The following GBE1 variants were observed in gnomAD, a reference collection of about 807,000 sequenced individuals.
GBE1 encodes 1,4-alpha-glucan branching enzyme 1.
GBE1 carries 70 observed loss-of-function variants against 88.8 expected under a neutral mutation model. That is an observed-to-expected ratio of 0.79 (90% CI 0.65 to 0.96). The LOEUF (loss-of-function observed/expected upper bound fraction) is 0.96. Among genes scored for constraint, GBE1 ranks in the 40% least tolerant of loss-of-function variants. The pLI, the probability that GBE1 is intolerant of heterozygous loss-of-function variation, is 0.00. For synonymous variants in GBE1, 284 were observed against 300.1 expected (o/e 0.95, Z 0.56); for missense variants, 872 against 871.0 (o/e 1.00, Z -0.01).
At chr3:81,701,358 G>C (rs1705683447) in intron 2 of GBE1, among the ~76,000 whole-genome samples, 1 of 152,088 alleles carries the variant, frequency 6.6e-6, no homozygotes, top group Admixed American at 6.6e-5. Context: ...TATATTTAAA[G>C]TGAAGCTGTT....
chr3:81,500,777 T>C (rs1392378102), intron 14 of GBE1, among the ~76,000 whole-genome samples: 2 of 152,242 alleles, frequency 1.3e-5, no homozygotes, highest in Non-Finnish European at 1.5e-5. Flanking sequence ...TATGTTGTTA[T>C]ACACGTTTGA....
At chr3:81,689,160 T>C (rs1705483190) in intron 2 of GBE1, among the ~76,000 whole-genome samples, 1 of 152,238 alleles carries the variant, frequency 6.6e-6, no homozygotes, top group Non-Finnish European at 1.5e-5. Flanking sequence ...ATGTGTTTAT[T>C]AGATCTGTAG....
chr3:81,713,229 C>T (rs1027344319), intron 1 of GBE1, among the ~76,000 whole-genome samples: 4 of 152,148 alleles, frequency 2.6e-5, no homozygotes, highest in Admixed American at 2.6e-4. Context: ...TAGGAGAAGG[C>T]TTTAGGGAGT....
At chr3:81,514,760 A>G in intron 14 of GBE1, among the ~76,000 whole-genome samples, 1 of 151,668 alleles carries the variant, frequency 6.6e-6, no homozygotes, top group East Asian at 1.9e-4. Context: ...TAAATAAAAC[A>G]CTGACCACTC....
At chr3:81,492,628 TCTTC>T (rs1196476488) in intron 15 of GBE1, among the ~76,000 whole-genome samples, 7 of 152,056 alleles carry the variant, frequency 4.6e-5, no homozygotes, top group South Asian at 2.1e-4. Context: ...TTTCCTTTTC[TCTTC>T]CTTCCTTCCT....
At chr3:81,615,043 T>A (rs972092771) in intron 7 of GBE1, among the ~76,000 whole-genome samples, 2 of 152,208 alleles carry the variant, frequency 1.3e-5, no homozygotes, top group African/African-American at 4.8e-5. Flanking sequence ...AAAAGTTTTG[T>A]ATTGTTTTAA....
chr3:81,621,367 G>C (rs1209102082), intron 7 of GBE1, among the ~76,000 whole-genome samples: 4 of 152,120 alleles, frequency 2.6e-5, no homozygotes, highest in African/African-American at 7.2e-5. Context: ...GAAAAGTTAA[G>C]TATATGAAAA....
In GBE1 at chr3:81,490,026, A is replaced by G. The variant is rs1235316923; in HGVS notation, c.*381T>C. The G allele has an allele frequency of 5.8e-6, 1 of 172,594 alleles. No homozygotes were observed. Among genetic ancestry groups the G allele is most frequent in the African/African-American group, 2.4e-5 (1 of 41,854 alleles). The allele number at this position is 172,594 out of a possible 1,614,324, so 10.7% of individuals were successfully genotyped here. On this transcript the variant is annotated 3_prime_UTR_variant, in exon 16 of 16. Coordinates refer to ENST00000429644, the MANE Select transcript of GBE1 (RefSeq NM_000158.4). ...ATCAGAACAAATAGAGCCACCAAATATCCATCTTAAATACTGTGTACATTT... is the reference window on the plus strand; with the variant it reads ...ATCAGAACAAATAGAGCCACCAAATGTCCATCTTAAATACTGTGTACATTT...
At chr3:81,578,523 TA>T (rs1489684292) in intron 11 of GBE1, among the ~76,000 whole-genome samples, 6 of 151,072 alleles carry the variant, frequency 4.0e-5, no homozygotes, top group Non-Finnish European at 8.9e-5. Context: ...ATATATATAT[TA>T]TTTTGCTCAT....
At chr3:81,541,450 G>C (rs554864166) in intron 12 of GBE1, among the ~76,000 whole-genome samples, 2 of 144,826 alleles carry the variant, frequency 1.4e-5, no homozygotes, top group African/African-American at 5.1e-5. Context: ...GCTGCAAGTT[G>C]CCCCCCCCGC....
chr3:81,552,561 TAAAC>T (rs1030001361), intron 12 of GBE1, among the ~76,000 whole-genome samples: 2 of 82,228 alleles, frequency 2.4e-5, no homozygotes, highest in African/African-American at 8.9e-5. Flanking sequence ...GCTGTCAAAA[TAAAC>T]AAACAAAAAA....
intron 8 of GBE1, among the ~76,000 whole-genome samples, chr3:81,591,426 C>T (rs1703875794): frequency 6.6e-6 from 1 of 152,018 alleles, no homozygotes; most frequent in Non-Finnish European, 1.5e-5. Flanking sequence ...TTAATTTTAG[C>T]TAAATTATAT....
chr3:81,648,581 C>T (rs1359371875), intron 5 of GBE1, among the ~76,000 whole-genome samples: 1 of 151,988 alleles, frequency 6.6e-6, no homozygotes, highest in Non-Finnish European at 1.5e-5. Flanking sequence ...AGTAATTATG[C>T]TTACATATTT....
At chr3:81,511,080 G>A (rs1044716396) in intron 14 of GBE1, among the ~76,000 whole-genome samples, 2 of 151,920 alleles carry the variant, frequency 1.3e-5, no homozygotes, top group African/African-American at 4.8e-5. Flanking sequence ...AATGGGGAAA[G>A]GACTCCCTAT....
In GBE1 at chr3:81,564,200, T is replaced by C. The variant is rs550002729; in HGVS notation, c.1618+13725A>G. Among the ~76,000 whole-genome samples, 57 of 152,192 alleles carry C rather than the reference T, an allele frequency of 3.7e-4. 1 individual carries two copies. The South Asian group carries it at 0.012, about 32-fold the overall frequency. On this transcript the variant is annotated intron_variant, in intron 12 of 15. Coordinates refer to ENST00000429644, the MANE Select transcript of GBE1 (RefSeq NM_000158.4). ...TCTCCATGTGAGGATACAATGCCCA[T>C]CCTCACATGGACATTGCCTCAGAGG...
At position 81,678,174 on chromosome 3, in the gene GBE1, T is replaced by C. The variant is rs927628633; in HGVS notation, c.314-7221A>G. On this transcript the variant is annotated intron_variant, in intron 2 of 15. Coordinates refer to ENST00000429644, the MANE Select transcript of GBE1 (RefSeq NM_000158.4). ...ATGGTATAACTTATTGTTCCTAGAC[T>C]ACAAACCTGTATGACATGTTATTGT... Among the ~76,000 whole-genome samples, 6 of 152,226 alleles carry C rather than the reference T, an allele frequency of 3.9e-5. No homozygotes were observed. The East Asian group carries it at 9.6e-4, about 24-fold the overall frequency.
chr3:81,585,068 AAAG>A (rs1703784376), intron 10 of GBE1, among the ~76,000 whole-genome samples: 1 of 152,178 alleles, frequency 6.6e-6, no homozygotes. Flanking sequence ...CCCATGTATT[AAAG>A]GAGAATATTC....
chr3:81,671,272 A>G, intron 2 of GBE1, among the ~76,000 whole-genome samples: 1 of 152,136 alleles, frequency 6.6e-6, no homozygotes, highest in Non-Finnish European at 1.5e-5. Flanking sequence ...TTTTTTTAGA[A>G]AACACCATCA....
chr3:81,505,051 G>A (rs1702635903), intron 14 of GBE1, among the ~76,000 whole-genome samples: 1 of 152,082 alleles, frequency 6.6e-6, no homozygotes, highest in South Asian at 2.1e-4. Flanking sequence ...CCCATTTCAA[G>A]ATGAATTATT....
Sources: allele counts gnomAD v4.1 joint callset (sites outside exome capture counted in the v4.1 genomes callset), GRCh38; gene constraint gnomAD v4.1.1; transcripts MANE v1.5; gene names NCBI Gene and HGNC (gene_info 2026-07-23, HGNC 2026-07-21).